The following PRKCH variants were observed in gnomAD, a reference collection of about 807,000 sequenced individuals.
The protein encoded by PRKCH is protein kinase C eta type.
PRKCH carries 28 observed loss-of-function variants against 82.5 expected under a neutral mutation model. The observed-to-expected ratio is 0.34, with a 90% CI of 0.25 to 0.47. PRKCH has a LOEUF of 0.47. PRKCH is among the 20% of genes least tolerant of loss of function. PRKCH has a pLI of 1.00. For missense variants in PRKCH, 705 were observed against 881.8 expected (o/e 0.80, Z 2.54); for synonymous variants, 322 against 327.4 (o/e 0.98, Z 0.18).
intron 1 of PRKCH, among the ~76,000 whole-genome samples, chr14:61,332,628 C>G (rs2045804846): frequency 2.0e-5 from 3 of 152,196 alleles, no homozygotes; most frequent in South Asian, 4.1e-4. Context: ...CCATGGTCAA[C>G]ATGATCCCTG....
At chr14:61,369,982 C>T (rs1285985187) in intron 1 of PRKCH, among the ~76,000 whole-genome samples, 1 of 151,886 alleles carries the variant, frequency 6.6e-6, no homozygotes, top group East Asian at 1.9e-4. Context: ...CTTTTTGAGA[C>T]AGAGTCTTGC....
chr14:61,266,332 C>G (rs1452616941), intron 1 of PRKCH, among the ~76,000 whole-genome samples: 1 of 152,168 alleles, frequency 6.6e-6, no homozygotes, highest in South Asian at 2.1e-4. Context: ...GTAGGAGAAT[C>G]ACTTGAACCT....
intron 9 of PRKCH, among the ~76,000 whole-genome samples, chr14:61,462,766 G>C (rs149621505): frequency 4.9e-4 from 75 of 152,076 alleles, no homozygotes; most frequent in African/African-American, 1.7e-3. Context: ...GTGAGAGGGG[G>C]TGTTGGAGCC....
At chr14:61,333,715 A>G (rs191201561) in intron 1 of PRKCH, among the ~76,000 whole-genome samples, 2 of 152,220 alleles carry the variant, frequency 1.3e-5, no homozygotes, top group African/African-American at 4.8e-5. Context: ...TAAAAAAACA[A>G]AACTAGGACA....
intron 2 of PRKCH, among the ~76,000 whole-genome samples, chr14:61,420,177 C>G (rs995560194): frequency 6.6e-6 from 1 of 151,982 alleles, no homozygotes; most frequent in South Asian, 2.1e-4. Context: ...ATGTGTGCCT[C>G]TGTACGTGTG....
intron 9 of PRKCH, among the ~76,000 whole-genome samples, chr14:61,473,543 G>C (rs982894927): frequency 6.6e-5 from 10 of 152,294 alleles, no homozygotes; most frequent in Admixed American, 5.2e-4. Flanking sequence ...GGAATGGCCA[G>C]GGCTCTGGCC....
At chr14:61,246,260 A>T (rs1293520406) in intron 1 of PRKCH, among the ~76,000 whole-genome samples, 3 of 150,386 alleles carry the variant, frequency 2.0e-5, no homozygotes, top group Admixed American at 6.6e-5. Context: ...AAAAAAAAAA[A>T]AGCCAGGTGT....
At chr14:61,256,434 G>A (rs763059557) in intron 1 of PRKCH, among the ~76,000 whole-genome samples, 1 of 152,294 alleles carries the variant, frequency 6.6e-6, no homozygotes, top group African/African-American at 2.4e-5. Context: ...GGTGTGTTCT[G>A]TCATAGCTTT....
rs1886887875 is a variant in PRKCH, at chr14:61,501,136, G to A, written c.1433+15480G>A. On this transcript the variant is annotated intron_variant, in intron 10 of 13. Transcript: ENST00000332981. Reference sequence around the variant, plus strand: ...GGATAACAGTACTATCCATTCCATGGAGTTACAGTGAAAATTAATTCATGT... The same window carrying A: ...GGATAACAGTACTATCCATTCCATGAAGTTACAGTGAAAATTAATTCATGT... Among the ~76,000 whole-genome samples the A allele has an allele frequency of 2.6e-5, 4 of 152,270 alleles. No homozygotes were observed. In the South Asian group the frequency reaches 8.3e-4, roughly 32 times the overall value.
chr14:61,340,778 A>G (rs1380917129), intron 1 of PRKCH, among the ~76,000 whole-genome samples: 1 of 152,148 alleles, frequency 6.6e-6, no homozygotes, highest in Admixed American at 6.5e-5. Flanking sequence ...TAAATATCCC[A>G]TCTTTCCCCT....
intron 2 of PRKCH, among the ~76,000 whole-genome samples, chr14:61,398,576 A>T (rs916022892): frequency 3.3e-5 from 5 of 152,206 alleles, no homozygotes; most frequent in African/African-American, 4.8e-5. Context: ...ACCAGACATG[A>T]TGTGTCTCCT....
chr14:61,449,898 CTCTGTGTG>C (rs1458514238), intron 5 of PRKCH, among the ~76,000 whole-genome samples: 7 of 26,866 alleles, frequency 2.6e-4, no homozygotes, highest in African/African-American at 3.9e-4. Flanking sequence ...CTCTCTCTCT[CTCTGTGTG>C]TGTGTGTGTG....
chr14:61,322,554 C>T (rs1259387973), intron 1 of PRKCH, 90 bp downstream of exon 1: 2 of 1,479,320 alleles, frequency 1.4e-6, no homozygotes, highest in East Asian at 2.3e-5. Context: ...GCTTTCCCAT[C>T]GCTTTGTGGC....
At position 61,327,712 on chromosome 14, in the gene PRKCH, G is replaced by T. The variant is rs146963096; in HGVS notation, c.363+5248G>T. On this transcript the variant is annotated intron_variant, in intron 1 of 13. Transcript: ENST00000332981. ...TACTTTCCTCCTTTAGATTACAAATGGCTTGAGAGCAGGGACCCACCTCTC... is the reference window on the plus strand; with the variant it reads ...TACTTTCCTCCTTTAGATTACAAATTGCTTGAGAGCAGGGACCCACCTCTC... Among the ~76,000 whole-genome samples the T allele has an allele frequency of 1.8e-4, 28 of 152,238 alleles. No individual in the cohort carries two copies. In the East Asian group the frequency reaches 5.4e-3, roughly 29 times the overall value.
chr14:61,323,591 T>A (rs2045659051), intron 1 of PRKCH, among the ~76,000 whole-genome samples: 1 of 152,218 alleles, frequency 6.6e-6, no homozygotes, highest in Non-Finnish European at 1.5e-5. Flanking sequence ...ATTTATTTTA[T>A]ACTTTGTGGA....
intron 1 of PRKCH, among the ~76,000 whole-genome samples, chr14:61,294,976 G>A (rs1387080584): frequency 2.6e-5 from 4 of 152,002 alleles, no homozygotes; most frequent in Non-Finnish European, 5.9e-5. Flanking sequence ...GGGTTCAAGC[G>A]ATTTTCATGC....
At chr14:61,454,826 G>A (rs1884682991) in intron 7 of PRKCH, among the ~76,000 whole-genome samples, 1 of 152,146 alleles carries the variant, frequency 6.6e-6, no homozygotes, top group Admixed American at 6.5e-5. Flanking sequence ...TCTAGAGATG[G>A]GAAATAGCCA....
At chr14:61,329,511 A>C (rs531189858) in intron 1 of PRKCH, among the ~76,000 whole-genome samples, 7 of 152,226 alleles carry the variant, frequency 4.6e-5, no homozygotes, top group South Asian at 2.1e-4. Context: ...GCTGGGATGC[A>C]GGCATGAGTC....
chr14:61,529,021 T>A, intron 10 of PRKCH, 54 bp from the exon 11 acceptor site: 1 of 1,280,494 alleles, frequency 7.8e-7, no homozygotes, highest in South Asian at 1.4e-5. Context: ...TTCTGAGAGG[T>A]GGATGGTTTG....
Sources: allele counts gnomAD v4.1 joint callset (sites outside exome capture counted in the v4.1 genomes callset), GRCh38; gene constraint gnomAD v4.1.1; transcripts MANE v1.5; gene names NCBI Gene and HGNC (gene_info 2026-07-23, HGNC 2026-07-21).